The following PPFIA2 variants were observed in gnomAD, a reference collection of about 807,000 sequenced individuals.
The protein encoded by PPFIA2 is liprin-alpha-2.
A neutral mutation model predicts 175.5 loss-of-function variants in PPFIA2; 46 were observed. The observed-to-expected ratio is 0.26, with a 90% CI of 0.21 to 0.34. The LOEUF (loss-of-function observed/expected upper bound fraction) is 0.34, where lower values mean the gene tolerates loss of function less well. PPFIA2 is among the 10% of genes least tolerant of loss of function. PPFIA2 has a pLI of 1.00. For synonymous variants in PPFIA2, 568 were observed against 511.4 expected (o/e 1.11, Z -1.49); for missense variants, 1,179 against 1,506.1 (o/e 0.78, Z 3.60).
chr12:81,380,583 G>C (rs941774579), intron 9 of PPFIA2, among the ~76,000 whole-genome samples: 12 of 152,028 alleles, frequency 7.9e-5, no homozygotes, highest in Non-Finnish European at 1.5e-5. Flanking sequence ...CAGTTATGTT[G>C]TAGCTTCATT....
At chr12:81,502,281 A>T (rs2060668236) in intron 4 of PPFIA2, among the ~76,000 whole-genome samples, 1 of 152,204 alleles carries the variant, frequency 6.6e-6, no homozygotes, top group Admixed American at 6.6e-5. Flanking sequence ...TGGAACTGCA[A>T]ACTTGCCATT....
At chr12:81,567,086 G>A (rs930576534) in intron 4 of PPFIA2, among the ~76,000 whole-genome samples, 4 of 152,166 alleles carry the variant, frequency 2.6e-5, no homozygotes, top group African/African-American at 4.8e-5. Context: ...GCGCTCTGTC[G>A]CCCAGGCTAG....
chr12:81,748,103 G>A (rs1374464056), intron 3 of PPFIA2, among the ~76,000 whole-genome samples: 2 of 144,112 alleles, frequency 1.4e-5, no homozygotes, highest in African/African-American at 4.9e-5. Flanking sequence ...CAGATCTTCT[G>A]ACTCAAGTCC....
chr12:81,343,846 T>G lies in PPFIA2; in HGVS notation c.2262+818A>C, dbSNP rs538638681. On this transcript the variant is annotated intron_variant, in intron 19 of 32. Transcript: ENST00000549396. Reference sequence around the variant, plus strand: ...TGCATAGTCTTGATGCTCTGGCATCTGGAGAGGATGCTCCTCTAACCCTAG... The same window carrying G: ...TGCATAGTCTTGATGCTCTGGCATCGGGAGAGGATGCTCCTCTAACCCTAG... Among the ~76,000 whole-genome samples, 3 of 152,258 alleles carry G rather than the reference T, an allele frequency of 2.0e-5. No individual in the cohort carries two copies. In the East Asian group the frequency reaches 5.8e-4, roughly 29 times the overall value.
At chr12:81,448,240 C>A (rs1227594269) in intron 5 of PPFIA2, among the ~76,000 whole-genome samples, 1 of 152,156 alleles carries the variant, frequency 6.6e-6, no homozygotes, top group Non-Finnish European at 1.5e-5. Context: ...CTTCTCCCTA[C>A]CCTCATGTCC....
At chr12:81,296,892 G>A (rs1210537887) in intron 23 of PPFIA2, 1 of 151,806 alleles carries the variant, frequency 6.6e-6, no homozygotes, top group Admixed American at 6.6e-5. Context: ...TCCTTCTTTT[G>A]GGGGTAGGAT....
chr12:81,384,638 C>G (rs1261189705), intron 8 of PPFIA2, among the ~76,000 whole-genome samples: 1 of 151,682 alleles, frequency 6.6e-6, no homozygotes, highest in Admixed American at 6.6e-5. Context: ...TGGGTAAGGA[C>G]CTATAAGGTG....
intron 3 of PPFIA2, among the ~76,000 whole-genome samples, chr12:81,704,966 C>T: frequency 6.6e-6 from 1 of 150,778 alleles, no homozygotes; most frequent in East Asian, 2.0e-4. Context: ...TGCCTGTAAT[C>T]CCAGCTACTT....
intron 4 of PPFIA2, among the ~76,000 whole-genome samples, chr12:81,562,786 G>T (rs2070414823): frequency 7.6e-6 from 1 of 132,114 alleles, no homozygotes; most frequent in South Asian, 2.6e-4. Context: ...GGCGGAGCTT[G>T]CAGTGAGCCG....
At chr12:81,520,415 C>T (rs756166750) in intron 4 of PPFIA2, among the ~76,000 whole-genome samples, 11 of 152,054 alleles carry the variant, frequency 7.2e-5, no homozygotes, top group East Asian at 3.9e-4. Flanking sequence ...ATTTTTGAGC[C>T]GTACAACTGA....
chr12:81,723,486 T>C (rs2153631808), intron 3 of PPFIA2, among the ~76,000 whole-genome samples: 1 of 151,142 alleles, frequency 6.6e-6, no homozygotes, highest in Non-Finnish European at 1.5e-5. Context: ...GTAAAAACTA[T>C]CCATACTGTG....
chr12:81,682,827 C>T (rs933975293), intron 3 of PPFIA2, among the ~76,000 whole-genome samples: 5 of 152,094 alleles, frequency 3.3e-5, no homozygotes, highest in African/African-American at 9.6e-5. Context: ...GACATCCTAT[C>T]GTTCAAATTT....
intron 5 of PPFIA2, among the ~76,000 whole-genome samples, chr12:81,452,355 C>T (rs2052742909): frequency 6.6e-6 from 1 of 152,190 alleles, no homozygotes. Context: ...ACTAATGTGG[C>T]TGCTGTAATA....
chr12:81,740,083 A>G (rs963591925), intron 3 of PPFIA2, among the ~76,000 whole-genome samples: 5 of 152,144 alleles, frequency 3.3e-5, no homozygotes, highest in African/African-American at 1.2e-4. Context: ...TTTGAAAAGC[A>G]AAAATGATTT....
chr12:81,638,053 A>C (rs1595872604), intron 4 of PPFIA2, among the ~76,000 whole-genome samples: 1 of 152,254 alleles, frequency 6.6e-6, no homozygotes, highest in East Asian at 1.9e-4. Context: ...TTTCCTAGTT[A>C]TTGCTTCAAA....
intron 4 of PPFIA2, among the ~76,000 whole-genome samples, chr12:81,659,021 C>T (rs1045996754): frequency 1.3e-5 from 2 of 152,116 alleles, no homozygotes. Flanking sequence ...TTTTCCTTCA[C>T]AAGCCTTTCT....
chr12:81,411,948 C>T (rs776310715), intron 7 of PPFIA2, among the ~76,000 whole-genome samples: 2 of 151,854 alleles, frequency 1.3e-5, no homozygotes, highest in Non-Finnish European at 2.9e-5. Context: ...CAAGAGGGAA[C>T]AGCAATGTGG....
intron 4 of PPFIA2, among the ~76,000 whole-genome samples, chr12:81,633,981 T>C (rs1357984349): frequency 1.3e-5 from 2 of 152,084 alleles, no homozygotes; most frequent in Admixed American, 1.3e-4. Context: ...GAACAGCTAT[T>C]CAAAAGCACT....
intron 4 of PPFIA2, among the ~76,000 whole-genome samples, chr12:81,671,085 A>T (rs1263430509): frequency 2.0e-5 from 3 of 151,932 alleles, no homozygotes; most frequent in Non-Finnish European, 4.4e-5. Context: ...CAAATCATTC[A>T]TATATTCCCA....
Sources: allele counts gnomAD v4.1 joint callset (sites outside exome capture counted in the v4.1 genomes callset), GRCh38; gene constraint gnomAD v4.1.1; transcripts MANE v1.5; gene names NCBI Gene and HGNC (gene_info 2026-07-23, HGNC 2026-07-21).